ARL6: variants seen among roughly 807,000 people sequenced by gnomAD.
ARL6 encodes the protein ADP-ribosylation factor-like protein 6.
ARL6 carries 18 observed loss-of-function variants against 27.1 expected under a neutral mutation model. The ratio of observed to expected loss-of-function variants is 0.66; its 90% CI spans 0.46 to 0.98. The LOEUF (loss-of-function observed/expected upper bound fraction) is 0.98. Among genes scored for constraint, ARL6 ranks in the 50% least tolerant of loss-of-function variants. ARL6 has a pLI of 0.00. For missense variants in ARL6, 187 were observed against 214.9 expected (o/e 0.87, Z 0.81); for synonymous variants, 65 against 72.3 (o/e 0.90, Z 0.51).
At chr3:97,777,961 T>G (rs2036990933) in intron 2 of ARL6, among the ~76,000 whole-genome samples, 1 of 152,202 alleles carries the variant, frequency 6.6e-6, no homozygotes, top group Admixed American at 6.5e-5. Context: ...AGAAGTTAGG[T>G]GATCGTGGGG....
intron 6 of ARL6, among the ~76,000 whole-genome samples, chr3:97,790,252 TAGAG>T (rs1301635363): frequency 6.6e-6 from 1 of 152,078 alleles, no homozygotes; most frequent in Non-Finnish European, 1.5e-5. Flanking sequence ...TAATTGAAGT[TAGAG>T]AGCAATTCAT....
intron 7 of ARL6, among the ~76,000 whole-genome samples, chr3:97,793,849 T>C (rs2037861984): frequency 6.6e-6 from 1 of 151,820 alleles, no homozygotes; most frequent in Non-Finnish European, 1.5e-5. Context: ...TAGAAAGCAT[T>C]GACTGATAGT....
At chr3:97,783,538 A>C (rs1346667567) in intron 4 of ARL6, among the ~76,000 whole-genome samples, 1 of 151,850 alleles carries the variant, frequency 6.6e-6, no homozygotes, top group Non-Finnish European at 1.5e-5. Flanking sequence ...GATTCCTTAG[A>C]ATGAATTTCA....
rs1396169410 is a variant in ARL6, at chr3:97,785,636, C to CA, written c.349+587_349+588insA. Among the ~76,000 whole-genome samples the CA allele has an allele frequency of 9.2e-5, 14 of 152,138 alleles. No homozygotes were observed. The East Asian group carries it at 2.7e-3, about 29-fold the overall frequency. On this transcript the variant is annotated intron_variant, in intron 5 of 7. Coordinates refer to ENST00000463745, the MANE Select transcript of ARL6 (RefSeq NM_001278293.3). ...TTAACACTTAATGATGGATATCCTT[C>CA]CAAATCAAATTATATATAATTATGT... is the stretch of plus-strand genomic sequence containing the variant.
rs911484868 is a variant in ARL6, at chr3:97,792,891, T to C, written c.535+1065T>C. 3.3e-5 allele frequency among the ~76,000 whole-genome samples: 5 copies of C among 152,140 alleles called. No homozygotes were observed. In the East Asian group the frequency reaches 5.8e-4, roughly 18 times the overall value. ...CCCTGAACAAGAGTGAATAACAGGA[T>C]ATTATAAATTCTAGCTACAGTCTCA... On this transcript the variant is annotated intron_variant, in intron 7 of 7. Transcript: ENST00000463745.
chr3:97,780,122 A>C (rs1431680310), intron 2 of ARL6, 37 bp from the exon 3 acceptor site: 1 of 1,536,890 alleles, frequency 6.5e-7, no homozygotes, highest in African/African-American at 1.4e-5. Context: ...CATCTCTGGT[A>C]ATTGTAAATT....
rs535835888 is a variant in ARL6, at chr3:97,768,150, A to G, written c.43A>G (p.Lys15Glu). 2.5e-6 allele frequency: 4 copies of G among 1,613,190 alleles called. No individual in the cohort carries two copies. In the Admixed American group the frequency reaches 6.7e-5, roughly 27 times the overall value. ...ACTTTCAGTCTTGCTTGGCCTGAAGAAGAAGGAGGTTCATGTTTTGTGCCT... is the reference window on the plus strand; with the variant it reads ...ACTTTCAGTCTTGCTTGGCCTGAAGGAGAAGGAGGTTCATGTTTTGTGCCT... ...DRLSVLLGLK[K>E]KEVHVLCLGL... The change falls in exon 2 of 8, where the codon AAG (lysine) becomes GAG (glutamate). Residue 15 changes from lysine to glutamate, a missense_variant. Transcript: ENST00000463745.
At chr3:97,797,185 T>A (rs1653720841) in intron 7 of ARL6, among the ~76,000 whole-genome samples, 1 of 152,200 alleles carries the variant, frequency 6.6e-6, no homozygotes, top group Non-Finnish European at 1.5e-5. Flanking sequence ...TAGAGTTTTT[T>A]ATAAGACTCT....
intron 2 of ARL6, among the ~76,000 whole-genome samples, chr3:97,779,137 G>A (rs905358749): frequency 6.6e-6 from 1 of 152,174 alleles, no homozygotes; most frequent in African/African-American, 2.4e-5. Context: ...TCTTCTCCAC[G>A]CAGAATTCCC....
At chr3:97,783,824 T>A (rs536671248) in intron 4 of ARL6, among the ~76,000 whole-genome samples, 1 of 151,832 alleles carries the variant, frequency 6.6e-6, no homozygotes, top group South Asian at 2.1e-4. Context: ...TTGAACCTCA[T>A]TGGCAATTAA....
At position 97,798,140 on chromosome 3, in the gene ARL6, C is replaced by CA; in HGVS notation, c.*97dup. ...CATTTTGTAAAAGATGTTTATGCAT[C>CA]AAAAAATATAATTTTCTGCTTGCAT... On this transcript the variant is annotated 3_prime_UTR_variant, in exon 8 of 8. Transcript: ENST00000463745. 1 of 1,305,776 alleles carries CA rather than the reference C, an allele frequency of 7.7e-7. No individual in the cohort carries two copies. The highest frequency in any genetic ancestry group is 1.1e-6 in the Non-Finnish European group (1 of 908,884). 80.9% of individuals were successfully genotyped at this position (1,305,776 alleles called of 1,614,324 possible).
intron 7 of ARL6, among the ~76,000 whole-genome samples, chr3:97,795,308 T>G (rs2037946400): frequency 6.6e-6 from 1 of 152,154 alleles, no homozygotes; most frequent in Non-Finnish European, 1.5e-5. Context: ...TCAAATTAGG[T>G]ACTTTTAAAA....
In ARL6 at chr3:97,780,713, A is replaced by G. The variant is rs775416513; in HGVS notation, c.254+30A>G. 4 of 1,533,902 alleles carry G rather than the reference A, an allele frequency of 2.6e-6. No homozygotes were observed. In the South Asian group the frequency reaches 3.4e-5, roughly 13 times the overall value. ...GTACATCTGTGAATGTTGCTTAACT[A>G]GATGGTTTTTACTAATAATAATGAT... On this transcript the variant is annotated intron_variant, in intron 4 of 7. Transcript: ENST00000463745.
chr3:97,785,809 T>C (rs1213406742), intron 5 of ARL6, among the ~76,000 whole-genome samples: 6 of 152,166 alleles, frequency 3.9e-5, no homozygotes, highest in Non-Finnish European at 7.4e-5. Flanking sequence ...TCTGCATTTC[T>C]AGCCTTCCTC....
intron 7 of ARL6, among the ~76,000 whole-genome samples, chr3:97,795,917 A>G (rs968493044): frequency 6.6e-6 from 1 of 152,164 alleles, no homozygotes; most frequent in African/African-American, 2.4e-5. Flanking sequence ...TACTGCTCCT[A>G]TTTCTCCCAG....
intron 6 of ARL6, among the ~76,000 whole-genome samples, chr3:97,788,956 T>A (rs2037593921): frequency 6.6e-6 from 1 of 152,066 alleles, no homozygotes; most frequent in South Asian, 2.1e-4. Context: ...TCCCCCTTTT[T>A]ATAAGAAGGT....
intron 2 of ARL6, among the ~76,000 whole-genome samples, chr3:97,777,170 G>A (rs2036950529): frequency 1.3e-5 from 2 of 152,124 alleles, no homozygotes; most frequent in Non-Finnish European, 2.9e-5. Context: ...TTGGCCAGGG[G>A]ATTATGATTG....
chr3:97,792,540 A>G (rs2037791964), intron 7 of ARL6, among the ~76,000 whole-genome samples: 1 of 152,190 alleles, frequency 6.6e-6, no homozygotes, highest in Non-Finnish European at 1.5e-5. Context: ...TATACATAGC[A>G]TGTATACACA....
intron 7 of ARL6, among the ~76,000 whole-genome samples, chr3:97,794,884 G>A (rs530587711): frequency 5.9e-5 from 9 of 152,134 alleles, no homozygotes; most frequent in African/African-American, 9.6e-5. Context: ...ACAGGAGTTC[G>A]ATACCAGCCT....
Sources: gnomAD v4.1 joint callset for allele counts (sites outside exome capture counted in the v4.1 genomes callset) on GRCh38, gnomAD v4.1.1 for gene constraint, MANE v1.5 for transcripts, NCBI Gene and HGNC (gene_info 2026-07-23, HGNC 2026-07-21) for gene names.